The following CLEC16A variants were observed in gnomAD, a reference collection of about 807,000 sequenced individuals.
CLEC16A encodes protein CLEC16A.
Under a neutral mutation model 109.5 loss-of-function variants are expected in CLEC16A, and 51 were observed. The ratio of observed to expected loss-of-function variants is 0.47; its 90% CI spans 0.37 to 0.59. The LOEUF (loss-of-function observed/expected upper bound fraction) is 0.59, where lower values mean the gene tolerates loss of function less well. Among genes scored for constraint, CLEC16A ranks in the 20% least tolerant of loss-of-function variants. CLEC16A has a pLI of 0.00. For synonymous variants in CLEC16A, 673 were observed against 564.2 expected (o/e 1.19, Z -2.73); for missense variants, 1,339 against 1,394.0 (o/e 0.96, Z 0.63).
intron 10 of CLEC16A, among the ~76,000 whole-genome samples, chr16:11,001,061 G>A (rs981170435): frequency 4.6e-5 from 7 of 151,804 alleles, no homozygotes; most frequent in East Asian, 1.9e-4. Context: ...TCTGTCTTTT[G>A]TGCCTTTCTA....
At chr16:10,979,254 T>G in intron 8 of CLEC16A, 75 bp from the exon 9 acceptor site, 1 of 1,392,244 alleles carries the variant, frequency 7.2e-7, no homozygotes, top group Non-Finnish European at 9.9e-7. Context: ...ACAGAAGGCT[T>G]TTGGCTTTGT....
chr16:11,092,529 C>T (rs755946758), intron 19 of CLEC16A, among the ~76,000 whole-genome samples: 1 of 152,122 alleles, frequency 6.6e-6, no homozygotes, highest in African/African-American at 2.4e-5. Flanking sequence ...GGCTCTGTCT[C>T]AAAAACAAAA....
rs1036779379 is a variant in CLEC16A, at chr16:11,030,693, A to G, written c.1537+5772A>G. ...GGAGTCTCACTCTGTTGCCCAGGCC[A>G]GAATGCAATGGTGCAATCTTGGCTC... On this transcript the variant is annotated intron_variant, in intron 13 of 23. Coordinates refer to ENST00000409790, the MANE Select transcript of CLEC16A (RefSeq NM_015226.3). 4.6e-5 allele frequency among the ~76,000 whole-genome samples: 7 copies of G among 152,198 alleles called. 1 individual carries two copies. In the East Asian group the frequency reaches 1.3e-3, roughly 29 times the overall value.
At chr16:10,996,706 G>A (rs1664774538) in intron 10 of CLEC16A, among the ~76,000 whole-genome samples, 1 of 152,114 alleles carries the variant, frequency 6.6e-6, no homozygotes, top group African/African-American at 2.4e-5. Context: ...GGCAATAAAT[G>A]CAGGATTCAC....
At chr16:10,963,618 G>A (rs998959205) in intron 3 of CLEC16A, among the ~76,000 whole-genome samples, 1 of 152,218 alleles carries the variant, frequency 6.6e-6, no homozygotes, top group Non-Finnish European at 1.5e-5. Context: ...CAGCTAGTGA[G>A]TGTGTGACTC....
intron 19 of CLEC16A, among the ~76,000 whole-genome samples, chr16:11,064,762 G>T (rs2048673358): frequency 6.6e-6 from 1 of 152,196 alleles, no homozygotes. Flanking sequence ...GGGGGACAGA[G>T]TGAGACCCTC....
intron 13 of CLEC16A, chr16:11,027,201 T>C: frequency 4.3e-6 from 6 of 1,395,568 alleles, no homozygotes; most frequent in Non-Finnish European, 6.0e-6. Context: ...ACATGATTAC[T>C]GGCAGCAGAA....
chr16:11,057,093 A>G (rs79278616), intron 18 of CLEC16A: 1 of 155,312 alleles, frequency 6.4e-6, no homozygotes, highest in African/African-American at 2.4e-5. Context: ...AGTTCCCAGA[A>G]GCGGAATTTC....
intron 23 of CLEC16A, among the ~76,000 whole-genome samples, chr16:11,170,033 C>T (rs567209927): frequency 6.6e-6 from 1 of 152,166 alleles, no homozygotes; most frequent in Non-Finnish European, 1.5e-5. Context: ...AGCAGAGGAG[C>T]CAGGATCTGA....
intron 9 of CLEC16A, among the ~76,000 whole-genome samples, chr16:10,981,197 G>A (rs1298100100): frequency 9.9e-5 from 15 of 152,234 alleles, no homozygotes; most frequent in Non-Finnish European, 1.8e-4. Flanking sequence ...TGAAAAGAAG[G>A]AATAAATGAT....
chr16:11,039,713 A>C lies in CLEC16A; in HGVS notation c.1538-41A>C, dbSNP rs200081380. The C allele has an allele frequency of 1.9e-5, 30 of 1,566,218 alleles. No homozygotes were observed. In the African/African-American group the frequency reaches 3.4e-4, roughly 18 times the overall value. ...ACCTTTCGGTATGAGGAGGTCAGGT[A>C]GTCAGGAGGCCTCCACTTACATCCT... On this transcript the variant is annotated intron_variant, in intron 13 of 23. Coordinates refer to ENST00000409790, the MANE Select transcript of CLEC16A (RefSeq NM_015226.3).
At chr16:11,001,920 A>G (rs993642773) in intron 10 of CLEC16A, among the ~76,000 whole-genome samples, 1 of 151,866 alleles carries the variant, frequency 6.6e-6, no homozygotes, top group Non-Finnish European at 1.5e-5. Context: ...GACAACACCC[A>G]CTACACCTGG....
At position 10,973,887 on chromosome 16, in the gene CLEC16A, C is replaced by CTTTTTTTTTTTTT. The variant is rs569414844; in HGVS notation, c.728+844_728+856dup. On this transcript the variant is annotated intron_variant, in intron 7 of 23. Transcript: ENST00000409790. The stretch of plus-strand genomic sequence containing the variant: ...ATCCGGCCAAGTAAGGGGCTGCTTG[C>CTTTTTTTTTTTTT]TTTTTTTTTTTTTTTTTTTTTTTTT... Among the ~76,000 whole-genome samples, 12 of 46,586 alleles carry CTTTTTTTTTTTTT rather than the reference C, an allele frequency of 2.6e-4. 4 individuals are homozygous for CTTTTTTTTTTTTT. The highest frequency in any genetic ancestry group is 1.1e-3 in the African/African-American group (9 of 8,100). 30.6% of individuals were successfully genotyped at this position (46,586 alleles called of 152,430 possible).
chr16:10,949,410 C>T (rs1026791550), intron 1 of CLEC16A, among the ~76,000 whole-genome samples: 5 of 151,976 alleles, frequency 3.3e-5, no homozygotes, highest in African/African-American at 1.2e-4. Context: ...TGGAGACCAA[C>T]GGGGTGAGTC....
intron 11 of CLEC16A, among the ~76,000 whole-genome samples, chr16:11,019,215 C>G (rs559198003): frequency 6.6e-6 from 1 of 152,174 alleles, no homozygotes; most frequent in African/African-American, 2.4e-5. Context: ...AAAGTCCACG[C>G]CCGCACAGCC....
chr16:11,004,776 C>A (rs1008454935), intron 11 of CLEC16A, among the ~76,000 whole-genome samples: 1 of 152,112 alleles, frequency 6.6e-6, no homozygotes, highest in African/African-American at 2.4e-5. Flanking sequence ...ACCGAGACCT[C>A]TTTTTATGGT....
At chr16:11,019,751 A>G (rs1429902043) in intron 11 of CLEC16A, among the ~76,000 whole-genome samples, 1 of 150,766 alleles carries the variant, frequency 6.6e-6, no homozygotes, top group African/African-American at 2.5e-5. Flanking sequence ...CCTGGGTGAC[A>G]AGAGCGAGAC....
At chr16:11,055,001 T>A (rs1400271157) in intron 18 of CLEC16A, among the ~76,000 whole-genome samples, 1 of 151,904 alleles carries the variant, frequency 6.6e-6, no homozygotes. Context: ...AACTCCATCC[T>A]TTATTTTCCT....
intron 22 of CLEC16A, among the ~76,000 whole-genome samples, chr16:11,148,940 A>G (rs1460464092): frequency 6.6e-6 from 1 of 152,236 alleles, no homozygotes; most frequent in Non-Finnish European, 1.5e-5. Flanking sequence ...AAGGGCTCTC[A>G]TGATTATTTA....
Sources: allele counts gnomAD v4.1 joint callset (sites outside exome capture counted in the v4.1 genomes callset), GRCh38; gene constraint gnomAD v4.1.1; transcripts MANE v1.5; gene names NCBI Gene and HGNC (gene_info 2026-07-23, HGNC 2026-07-21).